The following WDR20 variants were observed in gnomAD, a reference collection of about 807,000 sequenced individuals.
The protein encoded by WDR20 is WD repeat-containing protein 20.
WDR20 carries 3 observed loss-of-function variants against 38.7 expected under a neutral mutation model. The ratio of observed to expected loss-of-function variants is 0.08; its 90% CI spans 0.04 to 0.20. The LOEUF (loss-of-function observed/expected upper bound fraction) is 0.20, where lower values mean the gene tolerates loss of function less well. Among genes scored for constraint, WDR20 ranks in the 10% least tolerant of loss-of-function variants. The pLI, the probability that WDR20 is intolerant of heterozygous loss-of-function variation, is 1.00. For synonymous variants in WDR20, 298 were observed against 285.6 expected, an observed-to-expected ratio of 1.04 and a Z score of -0.44; for missense variants, 559 against 727.7, an observed-to-expected ratio of 0.77 and a Z score of 2.67.
chr14:102,208,629 C>T lies in WDR20; in HGVS notation c.459C>T (p.Thr153=), dbSNP rs760679712. The T allele has an allele frequency of 6.2e-7, 1 of 1,610,048 alleles. No homozygotes were observed. The highest frequency in any genetic ancestry group is 1.3e-5 in the African/African-American group (1 of 74,962). The change falls in exon 3 of 3, where the codon ACC becomes ACT. Residue 153 remains threonine, a synonymous_variant. Coordinates refer to ENST00000342702, the MANE Select transcript of WDR20 (RefSeq NM_144574.4). This position sits in a 1 kb window ranked among gnomAD's most constrained non-coding sequence, Gnocchi z 5.6. ...GACTAATAGACAAGTCACGAGTTAC[C>T]TGTGTCAAATGGGTTCCCGGTTCGG... is the stretch of plus-strand genomic sequence containing the variant. ...EERLIDKSRV[T]CVKWVPGSES...
At chr14:102,163,065 T>C (rs546843278) in intron 1 of WDR20, among the ~76,000 whole-genome samples, 69 of 152,268 alleles carry the variant, frequency 4.5e-4, no homozygotes, top group Non-Finnish European at 6.8e-4. Context: ...CCACCAAAAC[T>C]CATTTTAGGA....
intron 1 of WDR20, among the ~76,000 whole-genome samples, chr14:102,150,213 C>T (rs569390252): frequency 2.8e-4 from 42 of 152,198 alleles, no homozygotes; most frequent in African/African-American, 9.9e-4. Context: ...GATTACATCA[C>T]GCCTGTAATC....
chr14:102,222,848 A>G lies in WDR20; in HGVS notation c.1711A>G (p.Ser571Gly), dbSNP rs1446468811. The change falls in exon 4 of 4, where the codon AGC (serine) becomes GGC (glycine). Residue 571 changes from serine to glycine, a missense_variant. Physicochemically the swap from Ser to Gly is moderately conservative, Grantham distance 56. Coordinates refer to the WDR20 transcript ENST00000335263. The surrounding 1 kb of genome is among the most constrained non-coding windows in gnomAD (Gnocchi z 4.4). ...TTTGCAGGGCTCATTGTCATCCCCAAGCCAGGCCAGTTCTCCAGGTGGAAC... is the reference window on the plus strand; with the variant it reads ...TTTGCAGGGCTCATTGTCATCCCCAGGCCAGGCCAGTTCTCCAGGTGGAAC... 1 of 1,614,190 alleles carries G rather than the reference A, an allele frequency of 6.2e-7. No homozygotes were observed. Among genetic ancestry groups the G allele is most frequent in the East Asian group, 2.2e-5 (1 of 44,876 alleles).
downstream of WDR20, among the ~76,000 whole-genome samples, chr14:102,211,494 G>A (rs1333761382): frequency 6.6e-6 from 1 of 152,208 alleles, no homozygotes; most frequent in Non-Finnish European, 1.5e-5. The surrounding 1 kb of genome is among the most constrained non-coding windows in gnomAD (Gnocchi z 4.2). Flanking sequence ...TTTCTGTTGA[G>A]TGTGATGGCA....
In WDR20 at chr14:102,194,496, G is replaced by A. The variant is rs76436426; in HGVS notation, c.250-442G>A. The stretch of plus-strand genomic sequence containing the variant: ...GCTGCTGCTGCTGCTTCTGGTTTGG[G>A]GATTACACTTTGAGAACCACTGGGC... On this transcript the variant is annotated intron_variant, in intron 1 of 2. Transcript: ENST00000342702. Among the ~76,000 whole-genome samples the A allele has an allele frequency of 4.5e-3, 689 of 152,268 alleles. 7 individuals carry two copies. Among genetic ancestry groups the A allele is most frequent in the African/African-American group, 0.015 (640 of 41,530 alleles).
At chr14:102,204,301 CCTT>C (rs2061105028) in intron 2 of WDR20, among the ~76,000 whole-genome samples, 1 of 152,174 alleles carries the variant, frequency 6.6e-6, no homozygotes, top group South Asian at 2.1e-4. Flanking sequence ...GTCTTTCTGT[CCTT>C]CTGTCTTGCT....
In WDR20 at chr14:102,208,492, G is replaced by A; in HGVS notation, c.433-111G>A. On this transcript the variant is annotated intron_variant, in intron 2 of 2. Coordinates refer to ENST00000342702, the MANE Select transcript of WDR20 (RefSeq NM_144574.4). This position sits in a 1 kb window ranked among gnomAD's most constrained non-coding sequence, Gnocchi z 5.6. ...CTGACTGCAGGATAAAATGTGGAGG[G>A]CCTGGATAGACTTGCCCCTTCCCAT... The A allele has an allele frequency of 1.4e-6, 2 of 1,391,330 alleles. No homozygotes were observed. Among genetic ancestry groups the A allele is most frequent in the Admixed American group, 2.7e-5 (1 of 37,550 alleles). The allele number at this position is 1,391,330 out of a possible 1,614,324, so 86.2% of individuals were successfully genotyped here.
intron 2 of WDR20, among the ~76,000 whole-genome samples, chr14:102,202,478 T>G (rs1318455488): frequency 6.9e-6 from 1 of 144,936 alleles, no homozygotes; most frequent in Non-Finnish European, 1.5e-5. Flanking sequence ...CCTCCCGAGT[T>G]CACACCATTC....
rs1304121720 is a variant in WDR20 at position 102,208,698 on chromosome 14, A to C, written c.528A>C (p.Leu176Phe). 1 of 1,614,066 alleles carries C rather than the reference A, an allele frequency of 6.2e-7. No individual in the cohort carries two copies. The highest frequency in any genetic ancestry group is 1.7e-5 in the Admixed American group (1 of 60,010). The stretch of plus-strand genomic sequence containing the variant: ...CCCACTCGAGTGGGAACATGTACTT[A>C]TATAATGTGGAGCACACTTGTGGCA... Reference protein sequence around the residue: ...LVAHSSGNMYLYNVEHTCGTT... With the variant: ...LVAHSSGNMYFYNVEHTCGTT... The change falls in exon 3 of 3, where the codon TTA (leucine) becomes TTC (phenylalanine). Residue 176 changes from leucine to phenylalanine, a missense_variant. Transcript: ENST00000342702. The surrounding 1 kb of genome is among the most constrained non-coding windows in gnomAD (Gnocchi z 5.6).
intron 1 of WDR20, among the ~76,000 whole-genome samples, chr14:102,187,859 T>C (rs1406588764): frequency 6.6e-6 from 1 of 152,076 alleles, no homozygotes; most frequent in Admixed American, 6.6e-5. Flanking sequence ...GGGTGGGGCT[T>C]AAGGATGGGA....
intron 1 of WDR20, among the ~76,000 whole-genome samples, chr14:102,152,873 C>T (rs2056398304): frequency 6.6e-6 from 1 of 152,146 alleles, no homozygotes; most frequent in Non-Finnish European, 1.5e-5. Flanking sequence ...CAGTTCTGTT[C>T]AACCCTAGAA....
rs58628061 is a variant in WDR20 at position 102,163,627 on chromosome 14, C to CAAAAAAAAA, written c.249+23470_249+23478dup. 3.3e-3 allele frequency among the ~76,000 whole-genome samples: 205 copies of CAAAAAAAAA among 62,782 alleles called. 20 individuals are homozygous for CAAAAAAAAA. Among genetic ancestry groups the CAAAAAAAAA allele is most frequent in the African/African-American group, 0.015 (186 of 12,662 alleles). 41.2% of individuals were successfully genotyped at this position (62,782 alleles called of 152,430 possible). A position where few individuals can be genotyped will look rare whatever the true frequency, so the allele number is the denominator to read the frequency against. On this transcript the variant is annotated intron_variant, in intron 1 of 2. Transcript: ENST00000342702. ...TGGGTGACAGAGCAAGACTCTGTCT[C>CAAAAAAAAA]AAAAAAAAAAAAAAAAAAAAAAATT...
downstream of WDR20, among the ~76,000 whole-genome samples, chr14:102,219,840 C>T (rs1274959223): frequency 3.3e-5 from 5 of 152,244 alleles, no homozygotes; most frequent in Non-Finnish European, 7.3e-5. Flanking sequence ...GTATGGACTA[C>T]AGAAGACGAG....
intron 1 of WDR20, among the ~76,000 whole-genome samples, chr14:102,192,423 C>T (rs183413982): frequency 6.6e-6 from 1 of 152,308 alleles, no homozygotes; most frequent in Admixed American, 6.5e-5. Context: ...AGGTGATCCA[C>T]CCGCCTCAGC....
chr14:102,220,111 C>T lies in WDR20; in HGVS notation c.1693-2719C>T, dbSNP rs28379925. ...TGTAGGGACCAGCTGGCGGAAGCAG[C>T]GTGTCCCTCAACATCAGGCTCTGGC... On this transcript the variant is annotated intron_variant, in intron 3 of 3. Transcript: ENST00000335263. This position sits in a 1 kb window ranked among gnomAD's most constrained non-coding sequence, Gnocchi z 4.2. Among the ~76,000 whole-genome samples the T allele has an allele frequency of 3.8e-3, 581 of 152,322 alleles. 6 individuals carry two copies. The highest frequency in any genetic ancestry group is 0.013 in the African/African-American group (553 of 41,568).
chr14:102,171,829 A>T (rs1476309520), intron 1 of WDR20, among the ~76,000 whole-genome samples: 1 of 151,744 alleles, frequency 6.6e-6, no homozygotes, highest in Non-Finnish European at 1.5e-5. Flanking sequence ...ATATTTAAGG[A>T]ATATGTTTAG....
rs540792001 is a variant in WDR20 at position 102,170,273 on chromosome 14, C to T, written c.250-24665C>T. Among the ~76,000 whole-genome samples, 7 of 152,270 alleles carry T rather than the reference C, an allele frequency of 4.6e-5. No homozygotes were observed. The East Asian group carries it at 7.7e-4, about 17-fold the overall frequency. On this transcript the variant is annotated intron_variant, in intron 1 of 2. Coordinates refer to ENST00000342702, the MANE Select transcript of WDR20 (RefSeq NM_144574.4). Reference sequence around the variant, plus strand: ...GACATTGATGTTTCTAGTCTTTACACGCTATACTGCAATAAATCACTTTGT... The same window carrying T: ...GACATTGATGTTTCTAGTCTTTACATGCTATACTGCAATAAATCACTTTGT...
intron 2 of WDR20, among the ~76,000 whole-genome samples, chr14:102,204,884 A>G (rs10144363): frequency 0.021 from 3,235 of 152,318 alleles, 85 homozygotes; most frequent in African/African-American, 0.06. Context: ...TTATCCAAAC[A>G]GTTGAATACT....
rs71116885 is a variant in WDR20 at position 102,142,774 on chromosome 14, C to CTTT, written c.249+2623_249+2625dup. Among the ~76,000 whole-genome samples the CTTT allele has an allele frequency of 6.7e-3, 572 of 84,894 alleles. 13 individuals are homozygous for CTTT. Among genetic ancestry groups the CTTT allele is most frequent in the East Asian group, 0.056 (153 of 2,720 alleles). The allele number at this position is 84,894 out of a possible 152,430, so 55.7% of individuals were successfully genotyped here. ...CCCAGCGCACAGTTGGCTGTTTTGA[C>CTTT]TTTTTTTTTTTTTTTTTTTTTTTGG... On this transcript the variant is annotated intron_variant, in intron 1 of 2. Coordinates refer to ENST00000342702, the MANE Select transcript of WDR20 (RefSeq NM_144574.4).
Sources: gnomAD v4.1 joint callset for allele counts (sites outside exome capture counted in the v4.1 genomes callset) on GRCh38, gnomAD v4.1.1 for gene constraint, Gnocchi (gnomAD v3.1) non-coding constraint, MANE v1.5 for transcripts, NCBI Gene and HGNC (gene_info 2026-07-23, HGNC 2026-07-21) for gene names.